Variants in AIMP1 observed in about 807,000 individuals in gnomAD.
The protein encoded by AIMP1 is aminoacyl tRNA synthase complex-interacting multifunctional protein 1.
AIMP1 carries 24 observed loss-of-function variants against 33.1 expected under a neutral mutation model. That is an observed-to-expected ratio of 0.73 (90% CI 0.53 to 1.02). The LOEUF (loss-of-function observed/expected upper bound fraction) is 1.02. Ranked by LOEUF, AIMP1 falls within the 50% of genes least tolerant of loss-of-function variation. AIMP1 has a pLI of 0.00. For synonymous variants in AIMP1, 120 were observed against 121.5 expected, an observed-to-expected ratio of 0.99 and a Z score of 0.08; for missense variants, 367 against 364.8, an observed-to-expected ratio of 1.01 and a Z score of -0.05.
Position 106,324,965 on chromosome 4 carries a change from C to T in AIMP1, c.-25-20C>T. On this transcript the variant is annotated intron_variant, in intron 1 of 6. Transcript: ENST00000672341. ...TTATTCCTTTCACAGTGTAATTTAT[C>T]ACTTTTATTTTTCCTATAGGATTTT... 2 of 1,575,804 alleles carry T rather than the reference C, an allele frequency of 1.3e-6. No individual in the cohort carries two copies. Among genetic ancestry groups the T allele is most frequent in the Non-Finnish European group, 1.7e-6 (2 of 1,161,876 alleles).
At chr4:106,323,838 G>A (rs905243139) in intron 1 of AIMP1, among the ~76,000 whole-genome samples, 2 of 152,016 alleles carry the variant, frequency 1.3e-5, no homozygotes, top group African/African-American at 4.8e-5. Context: ...ATGAATTGGT[G>A]CATTTTAGAA....
chr4:106,316,003 CGCTGTG>C (rs1181756309), upstream of AIMP1: 1 of 152,796 alleles, frequency 6.5e-6, no homozygotes, highest in East Asian at 1.9e-4. Context: ...CCAGCGCTGT[CGCTGTG>C]GCTGCTGCTG....
upstream of AIMP1, chr4:106,316,301 T>G (rs1342361483): frequency 1.5e-5 from 7 of 452,336 alleles, no homozygotes; most frequent in East Asian, 1.5e-4. Context: ...TCCTTCCCCT[T>G]GCCCAAACTG....
At chr4:106,317,784 G>C (rs187356699) in intron 1 of AIMP1, among the ~76,000 whole-genome samples, 40 of 152,230 alleles carry the variant, frequency 2.6e-4, no homozygotes, top group African/African-American at 8.9e-4. Context: ...TAATTTTCCT[G>C]GATCTGTCTA....
At chr4:106,325,165 T>A in intron 2 of AIMP1, 47 bp downstream of exon 2, 1 of 1,469,792 alleles carries the variant, frequency 6.8e-7, no homozygotes, top group Admixed American at 1.8e-5. Context: ...AATGAATTCA[T>A]ACATTGATGG....
intron 4 of AIMP1, among the ~76,000 whole-genome samples, chr4:106,330,213 G>A (rs1769621861): frequency 6.6e-6 from 1 of 152,044 alleles, no homozygotes; most frequent in African/African-American, 2.4e-5. Flanking sequence ...GGGGATTCCT[G>A]ATAAAAGTAT....
At chr4:106,328,360 T>C (rs1328924616) in intron 4 of AIMP1, 117 bp downstream of exon 4, 1 of 1,261,954 alleles carries the variant, frequency 7.9e-7, no homozygotes, top group African/African-American at 1.5e-5. Context: ...TGAGCTAGGA[T>C]AAAATTAGGA....
At chr4:106,338,886 G>T (rs150215740) in intron 6 of AIMP1, among the ~76,000 whole-genome samples, 9 of 152,328 alleles carry the variant, frequency 5.9e-5, no homozygotes, top group Admixed American at 3.3e-4. Context: ...GCTGCCCAAG[G>T]CTGTGGGAGC....
intron 4 of AIMP1, among the ~76,000 whole-genome samples, chr4:106,330,278 A>G (rs1769624916): frequency 6.6e-6 from 1 of 152,192 alleles, no homozygotes; most frequent in African/African-American, 2.4e-5. Flanking sequence ...ATGTAGATAT[A>G]TTGTTATACT....
chr4:106,335,580 A>C (rs1471634577), intron 5 of AIMP1, among the ~76,000 whole-genome samples: 1 of 152,208 alleles, frequency 6.6e-6, no homozygotes, highest in South Asian at 2.1e-4. Context: ...AAAGGATTGC[A>C]TCTTACTAAT....
intron 4 of AIMP1, among the ~76,000 whole-genome samples, chr4:106,331,253 T>C (rs1278616001): frequency 6.6e-6 from 1 of 152,188 alleles, no homozygotes; most frequent in East Asian, 1.9e-4. Flanking sequence ...GAGTCTCTAT[T>C]ATCCTGTTTC....
chr4:106,342,465 G>A (rs1770132671), intron 6 of AIMP1, among the ~76,000 whole-genome samples: 1 of 152,122 alleles, frequency 6.6e-6, no homozygotes, highest in African/African-American at 2.4e-5. Context: ...TTCCTTTGAT[G>A]CCTAGTCTAT....
At chr4:106,329,845 G>A (rs1769606978) in intron 4 of AIMP1, among the ~76,000 whole-genome samples, 1 of 137,904 alleles carries the variant, frequency 7.3e-6, no homozygotes. Flanking sequence ...GAATACAGTG[G>A]CATAATCTCG....
intron 4 of AIMP1, 31 bp from the exon 5 acceptor site, chr4:106,331,641 T>G: frequency 1.9e-6 from 3 of 1,597,774 alleles, no homozygotes; most frequent in Non-Finnish European, 1.7e-6. Flanking sequence ...GTTTTATTTC[T>G]GATGTTTACC....
At chr4:106,320,747 GCCCTCTCCCTCT>G (rs967401757) in intron 1 of AIMP1, among the ~76,000 whole-genome samples, 3 of 151,882 alleles carry the variant, frequency 2.0e-5, no homozygotes, top group African/African-American at 4.8e-5. Context: ...GAAAAGTATA[GCCCTCTCCCTCT>G]CCCTCTCCCT....
chr4:106,336,152 C>T (rs1344471211), intron 5 of AIMP1, among the ~76,000 whole-genome samples: 1 of 149,224 alleles, frequency 6.7e-6, no homozygotes, highest in East Asian at 2.0e-4. Flanking sequence ...TCCACCTCAG[C>T]CTCCCAAGTA....
intron 2 of AIMP1, among the ~76,000 whole-genome samples, 196 bp from the exon 3 acceptor site, chr4:106,327,255 C>CCTCT (rs3831463): frequency 4.7e-5 from 7 of 150,212 alleles, no homozygotes; most frequent in South Asian, 2.1e-4. Context: ...ATATTTTCTC[C>CCTCT]CTCTCTCTCT....
intron 5 of AIMP1, among the ~76,000 whole-genome samples, chr4:106,334,455 G>C (rs948971681): frequency 3.9e-5 from 6 of 151,914 alleles, no homozygotes; most frequent in African/African-American, 1.5e-4. Context: ...ATTAGAGACA[G>C]GGTTTCACTA....
At chr4:106,337,858 C>G (rs1769949373) in intron 6 of AIMP1, among the ~76,000 whole-genome samples, 1 of 152,170 alleles carries the variant, frequency 6.6e-6, no homozygotes, top group Admixed American at 6.5e-5. Context: ...GACCAAAATG[C>G]TGATAGTGAT....
Sources: allele counts gnomAD v4.1 joint callset (sites outside exome capture counted in the v4.1 genomes callset), GRCh38; gene constraint gnomAD v4.1.1; transcripts MANE v1.5; gene names NCBI Gene and HGNC (gene_info 2026-07-23, HGNC 2026-07-21).